CFAP44: variants seen among roughly 807,000 people sequenced by gnomAD.
CFAP44 encodes cilia- and flagella-associated protein 44.
In CFAP44, 134 loss-of-function variants were observed where a neutral mutation model predicts 216.2. The ratio of observed to expected loss-of-function variants is 0.62; its 90% CI spans 0.54 to 0.72. The LOEUF is 0.72. Ranked by LOEUF, CFAP44 falls within the 30% of genes least tolerant of loss-of-function variation. CFAP44 has a pLI of 0.00. For synonymous variants in CFAP44, 700 were observed against 727.6 expected (o/e 0.96, Z 0.61); for missense variants, 2,035 against 2,182.1 (o/e 0.93, Z 1.34).
At chr3:113,413,047 C>A (rs943767802) in intron 6 of CFAP44, among the ~76,000 whole-genome samples, 1 of 152,104 alleles carries the variant, frequency 6.6e-6, no homozygotes. Flanking sequence ...TGTTTCCTGA[C>A]TTTTTAATAA....
chr3:113,420,911 G>A (rs1039624854), intron 4 of CFAP44, among the ~76,000 whole-genome samples: 1 of 152,124 alleles, frequency 6.6e-6, no homozygotes, highest in African/African-American at 2.4e-5. Flanking sequence ...ATGTATTGGT[G>A]TGTAGGTAAC....
At chr3:113,339,834 G>A (rs112673238) in intron 24 of CFAP44, among the ~76,000 whole-genome samples, 4 of 152,172 alleles carry the variant, frequency 2.6e-5, no homozygotes, top group African/African-American at 4.8e-5. Flanking sequence ...GAGCTAGGGG[G>A]AGCCCTCTCA....
At chr3:113,341,347 A>AT (rs11378094) in intron 24 of CFAP44, among the ~76,000 whole-genome samples, 13,771 of 149,300 alleles carry the variant, frequency 0.092, 811 homozygotes, top group African/African-American at 0.16. Flanking sequence ...TCAATACTGG[A>AT]TTTTTTTTTT....
intron 4 of CFAP44, among the ~76,000 whole-genome samples, chr3:113,422,375 AAAGAG>A (rs1468127858): frequency 1.3e-5 from 2 of 152,222 alleles, no homozygotes; most frequent in Non-Finnish European, 2.9e-5. Context: ...TAGAATGTAA[AAAGAG>A]AAGATTTACA....
In CFAP44 at chr3:113,433,644, C is replaced by T. The variant is rs767419732; in HGVS notation, c.21G>A (p.Gln7=). The part of the protein sequence containing the change: MKEPDD[Q]DTDGEKSVTS... ...TAACTGATTTCTCCCCATCAGTATC[C>T]TGATCATCTGGTTCCTTCATTTCCT... Residue 7 remains glutamine (Q), a synonymous_variant, in exon 2 of 35, where the codon CAG becomes CAA. Coordinates refer to ENST00000393845, the MANE Select transcript of CFAP44 (RefSeq NM_001164496.2). The T allele has an allele frequency of 1.2e-6, 2 of 1,613,132 alleles. No individual in the cohort carries two copies. Among genetic ancestry groups the T allele is most frequent in the South Asian group, 1.1e-5 (1 of 91,072 alleles).
intron 20 of CFAP44, 33 bp downstream of exon 20, chr3:113,363,444 G>A (rs1328596270): frequency 8.8e-6 from 14 of 1,597,458 alleles, no homozygotes; most frequent in African/African-American, 5.4e-5. Context: ...CAAAATCTCA[G>A]GCCTAGTCAG....
At chr3:113,346,906 T>C (rs550172001) in intron 22 of CFAP44, among the ~76,000 whole-genome samples, 5 of 152,166 alleles carry the variant, frequency 3.3e-5, no homozygotes, top group South Asian at 2.1e-4. Context: ...TGCTCACTCT[T>C]TGGGTCCACA....
intron 16 of CFAP44, 138 bp downstream of exon 16, chr3:113,380,761 C>T: frequency 1.5e-6 from 1 of 670,862 alleles, no homozygotes; most frequent in Non-Finnish European, 2.2e-6. Flanking sequence ...TAGCTGCTTT[C>T]CTACCAGATT....
chr3:113,355,306 G>A (rs1345263608), intron 22 of CFAP44, among the ~76,000 whole-genome samples: 1 of 152,142 alleles, frequency 6.6e-6, no homozygotes, highest in African/African-American at 2.4e-5. Flanking sequence ...GGATCACGAG[G>A]TCAAGAGTTC....
intron 8 of CFAP44, among the ~76,000 whole-genome samples, chr3:113,404,466 CT>C (rs1336188464): frequency 6.6e-6 from 1 of 152,110 alleles, no homozygotes; most frequent in Non-Finnish European, 1.5e-5. Context: ...TCATCTAAAA[CT>C]TTTCTCAAAT....
At chr3:113,402,041 C>T (rs1430230228) in intron 9 of CFAP44, among the ~76,000 whole-genome samples, 1 of 152,120 alleles carries the variant, frequency 6.6e-6, no homozygotes, top group African/African-American at 2.4e-5. Context: ...TCTATTAGGT[C>T]TCTTTTTACA....
In CFAP44 at chr3:113,294,769, G is replaced by A. The variant is rs989906536; in HGVS notation, c.5291C>T (p.Thr1764Ile). 6 of 1,535,276 alleles carry A rather than the reference G, an allele frequency of 3.9e-6. No homozygotes were observed. Among genetic ancestry groups the A allele is most frequent in the African/African-American group, 1.4e-5 (1 of 72,906 alleles). The change falls in exon 34 of 35, where the codon ACC becomes ATC. Residue 1764 changes from threonine (T) to isoleucine (I), a missense_variant. Around this residue, in one of 3 missense-constraint regions of CFAP44, gnomAD observed 1,883 missense variants for 2,023.7 expected, o/e 0.93. Coordinates refer to ENST00000393845, the MANE Select transcript of CFAP44 (RefSeq NM_001164496.2). ...ATCATTCATCTGATAAAGCTTTCTG[G>A]TGTGTTCTTTTGTCTTCATCATCAG... ...WELMMKTKEHTRKLYQMNDLC... is the reference protein window; with the variant it reads ...WELMMKTKEHIRKLYQMNDLC...
chr3:113,353,090 A>G (rs1950460231), intron 22 of CFAP44, among the ~76,000 whole-genome samples: 1 of 152,184 alleles, frequency 6.6e-6, no homozygotes, highest in Non-Finnish European at 1.5e-5. Flanking sequence ...GAGGATGGGC[A>G]AGTGGGTCCC....
At chr3:113,316,968 A>G (rs576493942) in intron 28 of CFAP44, among the ~76,000 whole-genome samples, 1 of 152,142 alleles carries the variant, frequency 6.6e-6, no homozygotes, top group Non-Finnish European at 1.5e-5. Context: ...TATGGAGTAA[A>G]CCACCATAAT....
chr3:113,435,657 A>T (rs1248608737), intron 1 of CFAP44, among the ~76,000 whole-genome samples: 1 of 151,038 alleles, frequency 6.6e-6, no homozygotes, highest in Non-Finnish European at 1.5e-5. Context: ...TGAGCCCAGG[A>T]GTTTGAGGCT....
chr3:113,323,569 C>T (rs968059716), intron 28 of CFAP44, among the ~76,000 whole-genome samples: 3 of 151,894 alleles, frequency 2.0e-5, no homozygotes, highest in East Asian at 1.9e-4. Flanking sequence ...GCACATATAC[C>T]GCCTGTATCT....
At chr3:113,392,783 A>G (rs1933880357) in intron 15 of CFAP44, among the ~76,000 whole-genome samples, 1 of 152,230 alleles carries the variant, frequency 6.6e-6, no homozygotes, top group Non-Finnish European at 1.5e-5. Flanking sequence ...GTCCAAGAAT[A>G]ATACGGGAGG....
In CFAP44 at chr3:113,373,575, A is replaced by G; in HGVS notation, c.2299-19T>C. The G allele has an allele frequency of 6.5e-7, 1 of 1,535,910 alleles. No homozygotes were observed. The highest frequency in any genetic ancestry group is 8.8e-7 in the Non-Finnish European group (1 of 1,139,760). ...AGCCACCCTAGAAAAGAGATAAGTA[A>G]CATAGAAGGTGGTACTTGAATATAA... On this transcript the variant is annotated intron_variant, in intron 17 of 34. Coordinates refer to ENST00000393845, the MANE Select transcript of CFAP44 (RefSeq NM_001164496.2).
In CFAP44 at chr3:113,306,282, C is replaced by T. The variant is rs780385377; in HGVS notation, c.4677G>A (p.Arg1559=). Reference sequence around the variant, plus strand: ...CAACTAAAGCCTCCTCAATGTCCAGCCTTTTCTCTCGAAGGTGAAGGGCCA... The same window carrying T: ...CAACTAAAGCCTCCTCAATGTCCAGTCTTTTCTCTCGAAGGTGAAGGGCCA... ...FELALHLREK[R]LDIEEALVEE... is the part of the protein sequence containing the mutation. The change falls in exon 30 of 35, where the codon AGG becomes AGA. Residue 1559 remains arginine, a synonymous_variant. Coordinates refer to ENST00000393845, the MANE Select transcript of CFAP44 (RefSeq NM_001164496.2). 12 of 1,536,902 alleles carry T rather than the reference C, an allele frequency of 7.8e-6. No individual in the cohort carries two copies. Among genetic ancestry groups the T allele is most frequent in the Non-Finnish European group, 9.6e-6 (11 of 1,146,756 alleles).
Sources: allele counts gnomAD v4.1 joint callset (sites outside exome capture counted in the v4.1 genomes callset), GRCh38; gene constraint gnomAD v4.1.1; regional missense constraint gnomAD v4.1.1; transcripts MANE v1.5; gene names NCBI Gene and HGNC (gene_info 2026-07-23, HGNC 2026-07-21).